Variants in MYBPC1 observed in about 807,000 individuals in gnomAD.
MYBPC1 encodes myosin-binding protein C, slow-type.
Under a neutral mutation model 147.1 loss-of-function variants are expected in MYBPC1, and 52 were observed. That is an observed-to-expected ratio of 0.35 (90% CI 0.28 to 0.45). The LOEUF is 0.45. Among genes scored for constraint, MYBPC1 ranks in the 20% least tolerant of loss-of-function variants. The pLI is 1.00. For synonymous variants in MYBPC1, 477 were observed against 475.9 expected (o/e 1.00, Z -0.03); for missense variants, 1,228 against 1,440.3 (o/e 0.85, Z 2.39).
At chr12:101,638,735 A>C (rs1891458828) in intron 10 of MYBPC1, among the ~76,000 whole-genome samples, 1 of 152,216 alleles carries the variant, frequency 6.6e-6, no homozygotes, top group Non-Finnish European at 1.5e-5. Flanking sequence ...AATAAAATAA[A>C]TCTAATTACA....
chr12:101,642,635 G>A, intron 11 of MYBPC1, 50 bp downstream of exon 11: 1 of 1,565,836 alleles, frequency 6.4e-7, no homozygotes, highest in Middle Eastern at 1.7e-4. Context: ...GGCAGCGTTC[G>A]AAAGCCTTGA....
At chr12:101,664,580 G>T (rs1161685408) in intron 22 of MYBPC1, 1 of 152,214 alleles carries the variant, frequency 6.6e-6, no homozygotes, top group African/African-American at 2.4e-5. Flanking sequence ...CTATGGAGAT[G>T]AAACTTCCTA....
At chr12:101,602,861 C>G (rs1281374875) in intron 1 of MYBPC1, among the ~76,000 whole-genome samples, 1 of 152,202 alleles carries the variant, frequency 6.6e-6, no homozygotes, top group East Asian at 1.9e-4. Context: ...TGTGTTCTTA[C>G]TGAAATGAGC....
chr12:101,690,701 G>A (rs2136983612), downstream of MYBPC1, among the ~76,000 whole-genome samples: 1 of 152,282 alleles, frequency 6.6e-6, no homozygotes, highest in East Asian at 1.9e-4. Flanking sequence ...TGCAATTTCA[G>A]ATAAAGGGCA....
chr12:101,648,414 C>G (rs1431920127), intron 14 of MYBPC1, among the ~76,000 whole-genome samples: 1 of 152,138 alleles, frequency 6.6e-6, no homozygotes. Context: ...CAAGTTTACC[C>G]AAGTCTATTT....
intron 30 of MYBPC1, among the ~76,000 whole-genome samples, chr12:101,684,004 G>GT (rs1229020802): frequency 6.6e-6 from 1 of 151,912 alleles, no homozygotes; most frequent in Non-Finnish European, 1.5e-5. Context: ...TATTGTCTAT[G>GT]TTTTTCTTTT....
At chr12:101,646,616 G>A (rs964668554) in intron 12 of MYBPC1, 147 bp from the exon 13 acceptor site, 8 of 885,494 alleles carry the variant, frequency 9.0e-6, no homozygotes, top group Non-Finnish European at 1.4e-5. Context: ...TCCTGCCTGT[G>A]CAACAGAGCA....
chr12:101,651,743 G>GC (rs1894506479), intron 16 of MYBPC1, among the ~76,000 whole-genome samples: 1 of 152,052 alleles, frequency 6.6e-6, no homozygotes, highest in Non-Finnish European at 1.5e-5. Context: ...GAGTTCAAGA[G>GC]CTCCTGGGCT....
At chr12:101,689,310 A>C (rs1951387510), downstream of MYBPC1, among the ~76,000 whole-genome samples, 1 of 151,130 alleles carries the variant, frequency 6.6e-6, no homozygotes, top group South Asian at 2.1e-4. Context: ...AAATGGAGAG[A>C]AGGAAAGGCC....
At chr12:101,661,083 C>T in intron 19 of MYBPC1, 75 bp from the exon 20 acceptor site, 1 of 880,702 alleles carries the variant, frequency 1.1e-6, no homozygotes, top group Non-Finnish European at 1.9e-6. Context: ...CACCAAGAAA[C>T]ATATTTTCCT....
intron 2 of MYBPC1, among the ~76,000 whole-genome samples, chr12:101,616,817 G>A (rs1886207886): frequency 1.3e-5 from 2 of 152,032 alleles, no homozygotes; most frequent in African/African-American, 4.8e-5. Context: ...CATTACATGG[G>A]GCAAACTGAC....
intron 18 of MYBPC1, among the ~76,000 whole-genome samples, chr12:101,659,260 G>A (rs1490205358): frequency 6.6e-6 from 1 of 152,182 alleles, no homozygotes; most frequent in South Asian, 2.1e-4. Flanking sequence ...ATAGGAGTTT[G>A]AGGGTTTCTA....
At position 101,627,715 on chromosome 12, in the gene MYBPC1, A is replaced by G. The variant is rs373334421; in HGVS notation, c.143-54A>G. On this transcript the variant is annotated intron_variant, in intron 4 of 31. Transcript: ENST00000361466. ...CCAAGAAGGTTGAAGTCAGCACTCC[A>G]TTTTCATCCCCTTTCCACCCCTCTG... is the stretch of plus-strand genomic sequence containing the variant. 2.4e-5 allele frequency: 39 copies of G among 1,595,672 alleles called. No homozygotes were observed. In the East Asian group the frequency reaches 3.1e-4, roughly 13 times the overall value.
At chr12:101,686,656 T>C (rs918496307), downstream of MYBPC1, among the ~76,000 whole-genome samples, 1 of 152,220 alleles carries the variant, frequency 6.6e-6, no homozygotes, top group African/African-American at 2.4e-5. Context: ...TGTTTTTCTT[T>C]TTGGTCTTTT....
chr12:101,682,262 A>G (rs1434347673), intron 29 of MYBPC1, among the ~76,000 whole-genome samples: 1 of 152,200 alleles, frequency 6.6e-6, no homozygotes. Context: ...TGTTAATGAT[A>G]TAAAATGATG....
chr12:101,695,766 C>T, the MYBPC1 span, among the ~76,000 whole-genome samples: 1 of 152,150 alleles, frequency 6.6e-6, no homozygotes, highest in African/African-American at 2.4e-5. Context: ...ACCATGGAAA[C>T]ATCGTACCAG....
At chr12:101,627,947 A>G (rs1288432790) in intron 5 of MYBPC1, 143 bp downstream of exon 5, 2 of 966,606 alleles carry the variant, frequency 2.1e-6, no homozygotes, top group African/African-American at 1.6e-5. Context: ...GTTTCCTCTT[A>G]CAAGAAAACT....
At chr12:101,685,516 T>C (rs1951300185) in intron 31 of MYBPC1, 66 bp from the exon 32 acceptor site, 3 of 1,092,684 alleles carry the variant, frequency 2.7e-6, no homozygotes, top group East Asian at 5.2e-5. Flanking sequence ...AGTCAAGAAG[T>C]ATTGTTTCAG....
At chr12:101,622,923 T>G (rs7978967) in intron 3 of MYBPC1, among the ~76,000 whole-genome samples, 22,528 of 152,248 alleles carry the variant, frequency 0.15, 1,956 homozygotes, top group East Asian at 0.32. Context: ...TTCATGATAC[T>G]CTGAAGCGCT....
Sources: allele counts gnomAD v4.1 joint callset (sites outside exome capture counted in the v4.1 genomes callset), GRCh38; gene constraint gnomAD v4.1.1; transcripts MANE v1.5; gene names NCBI Gene and HGNC (gene_info 2026-07-23, HGNC 2026-07-21).